DICER1: variants seen among roughly 807,000 people sequenced by gnomAD.
The protein encoded by DICER1 is dicer 1, ribonuclease III.
DICER1 carries 43 observed loss-of-function variants against 194.1 expected under a neutral mutation model. The observed-to-expected ratio is 0.22, with a 90% CI of 0.17 to 0.29. The LOEUF is 0.29. DICER1 is among the 10% of genes least tolerant of loss of function. DICER1 has a pLI of 1.00. For missense variants in DICER1, 1,608 were observed against 2,317.0 expected (o/e 0.69, Z 6.28); for synonymous variants, 832 against 820.5 (o/e 1.01, Z -0.24).
chr14:95,118,363 G>T (rs1016591425), intron 8 of DICER1, among the ~76,000 whole-genome samples: 1 of 152,194 alleles, frequency 6.6e-6, no homozygotes, highest in Non-Finnish European at 1.5e-5. Context: ...CCATGGGAAA[G>T]AAATGTTGTA....
chr14:95,132,451 C>G, intron 3 of DICER1, 64 bp downstream of exon 3: 2 of 1,528,930 alleles, frequency 1.3e-6, no homozygotes, highest in South Asian at 2.2e-5. Flanking sequence ...CACAGAAAAT[C>G]TGTTTAAACA....
In DICER1 at chr14:95,090,134, C is replaced by A; in HGVS notation, c.*364G>T. The A allele has an allele frequency of 2.5e-6, 1 of 398,112 alleles. No homozygotes were observed. The highest frequency in any genetic ancestry group is 2.6e-5 in the South Asian group (1 of 37,778). The allele number at this position is 398,112 out of a possible 1,614,324, so 24.7% of individuals were successfully genotyped here. A position where few individuals can be genotyped will look rare whatever the true frequency, so the allele number is the denominator to read the frequency against. ...TAGGGACTGCTGGAGGTTTAAGCTC[C>A]ATGGCCTTCTAACACTAAGCAAAGC... is the stretch of plus-strand genomic sequence containing the variant. On this transcript the variant is annotated 3_prime_UTR_variant, in exon 27 of 27. Transcript: ENST00000343455.
Position 95,086,867 on chromosome 14 carries a change from T to C in DICER1, c.*3631A>G. ...GGTTGGAAAAATATAATTATTCAAATGTAATTAAAACAACCATATAGGTAA... is the reference window on the plus strand; with the variant it reads ...GGTTGGAAAAATATAATTATTCAAACGTAATTAAAACAACCATATAGGTAA... On this transcript the variant is annotated 3_prime_UTR_variant, in exon 27 of 27. Coordinates refer to ENST00000343455, the MANE Select transcript of DICER1 (RefSeq NM_177438.3). 2 of 232,636 alleles carry C rather than the reference T, an allele frequency of 8.6e-6. No individual in the cohort carries two copies. The highest frequency in any genetic ancestry group is 8.5e-6 in the Non-Finnish European group (1 of 117,712). The allele number at this position is 232,636 out of a possible 1,614,324, so 14.4% of individuals were successfully genotyped here.
At chr14:95,139,881 C>T (rs1274467370) in intron 1 of DICER1, among the ~76,000 whole-genome samples, 1 of 152,160 alleles carries the variant, frequency 6.6e-6, no homozygotes, top group African/African-American at 2.4e-5. Context: ...ATTTAGTGGA[C>T]AATAACTGGC....
At chr14:95,112,607 T>G (rs1341235761) in intron 12 of DICER1, among the ~76,000 whole-genome samples, 1 of 152,248 alleles carries the variant, frequency 6.6e-6, no homozygotes, top group Admixed American at 6.5e-5. Context: ...CAGCTTTTTA[T>G]GTGCAATAGA....
In DICER1 at chr14:95,152,601, T is replaced by G. The variant is rs147198696; in HGVS notation, c.-46+4629A>C. On this transcript the variant is annotated intron_variant, in intron 1 of 26. Transcript: ENST00000343455. ...AAAAGAAAAAACTCTAAGGCCAAAC[T>G]TAAGCCTGTCATGTCTTACTTCTAG... is the stretch of plus-strand genomic sequence containing the variant. Among the ~76,000 whole-genome samples the G allele has an allele frequency of 7.5e-3, 1,142 of 152,300 alleles. 14 individuals carry two copies. The highest frequency in any genetic ancestry group is 0.027 in the African/African-American group (1,106 of 41,552).
At chr14:95,143,411 A>G (rs777798594) in intron 1 of DICER1, among the ~76,000 whole-genome samples, 2 of 151,964 alleles carry the variant, frequency 1.3e-5, no homozygotes, top group African/African-American at 2.4e-5. Flanking sequence ...CTCCCTTTCA[A>G]TGTATATAAA....
Position 95,106,162 on chromosome 14 carries a change from G to A in DICER1, c.2866C>T (p.Pro956Ser). 6.2e-7 allele frequency: 1 copy of A among 1,613,614 alleles called. No individual in the cohort carries two copies. The highest frequency in any genetic ancestry group is 1.1e-5 in the South Asian group (1 of 91,070). The part of the protein sequence containing the change: ...YVADVYTDLT[P>S]LSKFPSPEYE... ...TCAGGGGAAGGAAATTTACTGAGTG[G>A]GGTAAGATCAGTGTACACATCAGCT... The change falls in exon 18 of 27, where the codon CCA becomes TCA. Residue 956 changes from proline to serine, a missense_variant. Pro to Ser is a moderately conservative substitution (Grantham distance 74). Transcript: ENST00000343455.
At chr14:95,119,361 A>G (rs983170920) in intron 8 of DICER1, among the ~76,000 whole-genome samples, 2 of 152,206 alleles carry the variant, frequency 1.3e-5, no homozygotes, top group African/African-American at 2.4e-5. Flanking sequence ...AATCTCTTGT[A>G]AGCAATAATT....
intron 1 of DICER1, among the ~76,000 whole-genome samples, chr14:95,152,359 TA>T (rs1895569289): frequency 1.3e-5 from 2 of 152,242 alleles, no homozygotes; most frequent in Admixed American, 1.3e-4. Flanking sequence ...TTAAAAGCCT[TA>T]ATATGCAAGC....
chr14:95,125,756 AGGAGGGGGAGG>A (rs1414952127), intron 7 of DICER1, among the ~76,000 whole-genome samples: 1 of 32,594 alleles, frequency 3.1e-5, no homozygotes, highest in Non-Finnish European at 5.2e-5. Flanking sequence ...CAGGGAGGGG[AGGAGGGGGAGG>A]GGAGGGGGAG....
chr14:95,091,526 T>C, intron 24 of DICER1, 161 bp from the exon 25 acceptor site: 1 of 664,530 alleles, frequency 1.5e-6, no homozygotes, highest in South Asian at 2.0e-5. Flanking sequence ...GTAAAACAAA[T>C]GTTATATTTT....
chr14:95,140,093 A>T (rs937652486), intron 1 of DICER1, among the ~76,000 whole-genome samples: 4 of 152,216 alleles, frequency 2.6e-5, no homozygotes, highest in Non-Finnish European at 5.9e-5. Context: ...TCACAGATAA[A>T]CTGGCTACCA....
intron 1 of DICER1, among the ~76,000 whole-genome samples, chr14:95,139,748 C>G (rs1201248103): frequency 6.6e-6 from 1 of 152,194 alleles, no homozygotes; most frequent in Non-Finnish European, 1.5e-5. Context: ...ACATCTATCC[C>G]ACTCCTACCA....
intron 1 of DICER1, among the ~76,000 whole-genome samples, chr14:95,154,023 A>G (rs1895684920): frequency 6.6e-6 from 1 of 152,258 alleles, no homozygotes; most frequent in Non-Finnish European, 1.5e-5. Context: ...CAAAAAGCAC[A>G]GCAAAAGGTA....
intron 3 of DICER1, 146 bp from the exon 4 acceptor site, chr14:95,131,785 C>T (rs140380258): frequency 1.2e-6 from 1 of 820,360 alleles, no homozygotes; most frequent in African/African-American, 1.7e-5. Flanking sequence ...TTTAAAACCA[C>T]AGTTCCAAGG....
chr14:95,101,172 G>A (rs1295960494), intron 21 of DICER1, among the ~76,000 whole-genome samples: 1 of 152,178 alleles, frequency 6.6e-6, no homozygotes, highest in Non-Finnish European at 1.5e-5. Context: ...GACAGAGCAA[G>A]GGCCCCAAGG....
chr14:95,116,106 T>G lies in DICER1; in HGVS notation c.1753-285A>C, dbSNP rs147409682. 1.8e-3 allele frequency among the ~76,000 whole-genome samples: 273 copies of G among 152,058 alleles called. 1 individual carries two copies. Among genetic ancestry groups the G allele is most frequent in the African/African-American group, 6.3e-3 (262 of 41,506 alleles). On this transcript the variant is annotated intron_variant, in intron 10 of 26. Coordinates refer to ENST00000343455, the MANE Select transcript of DICER1 (RefSeq NM_177438.3). ...ACACACACACGACTGTTAGTCTTTC[T>G]GAATGTAACTACCATGTCATCATTT...
chr14:95,150,695 C>T (rs1297684471), intron 1 of DICER1, among the ~76,000 whole-genome samples: 1 of 152,176 alleles, frequency 6.6e-6, no homozygotes, highest in African/African-American at 2.4e-5. Context: ...AGCTTTTCTG[C>T]AGATTACCTA....
Sources: gnomAD v4.1 joint callset for allele counts (sites outside exome capture counted in the v4.1 genomes callset) on GRCh38, gnomAD v4.1.1 for gene constraint, MANE v1.5 for transcripts, NCBI Gene and HGNC (gene_info 2026-07-23, HGNC 2026-07-21) for gene names.